Variants in SERPINB13 observed in about 807,000 individuals in gnomAD.
The protein encoded by SERPINB13 is serpin B13.
SERPINB13 carries 26 observed loss-of-function variants against 31.2 expected under a neutral mutation model. The ratio of observed to expected loss-of-function variants is 0.83; its 90% confidence interval spans 0.61 to 1.15. SERPINB13 has a LOEUF of 1.15. Among genes scored for constraint, SERPINB13 ranks in the 50% most tolerant of loss-of-function variants. The pLI, the probability that SERPINB13 is intolerant of heterozygous loss-of-function variation, is 0.00. For missense variants in SERPINB13, 510 were observed against 469.4 expected (o/e 1.09, Z -0.80); for synonymous variants, 191 against 172.4 (o/e 1.11, Z -0.85).
In SERPINB13 at chr18:63,595,068, T is replaced by A. The variant is rs764502539; in HGVS notation, c.655T>A (p.Ser219Thr). 2 of 1,614,094 alleles carry A rather than the reference T, an allele frequency of 1.2e-6. No homozygotes were observed. Among genetic ancestry groups the A allele is most frequent in the Non-Finnish European group, 1.7e-6 (2 of 1,179,970 alleles). The change falls in exon 7 of 8, where the codon TCC becomes ACC. Residue 219 changes from serine (S) to threonine (T), a missense_variant. Transcript: ENST00000344731. Reference sequence around the variant, plus strand: ...TGTACAGATGATGACACAGAGCCATTCCTTTAGCTTCACTTTCCTGGAGGA... The same window carrying A: ...TGTACAGATGATGACACAGAGCCATACCTTTAGCTTCACTTTCCTGGAGGA... ...KSVQMMTQSH[S>T]FSFTFLEDLQ...
chr18:63,597,419 T>A lies in SERPINB13; in HGVS notation c.*56T>A. On this transcript the variant is annotated 3_prime_UTR_variant, in exon 8 of 8. Coordinates refer to ENST00000344731, the MANE Select transcript of SERPINB13 (RefSeq NM_012397.4). Reference sequence around the variant, plus strand: ...AGCAAAAAACAACTACCAGTGTTACTCATATGATTATGAAAATCGTCCATT... The same window carrying A: ...AGCAAAAAACAACTACCAGTGTTACACATATGATTATGAAAATCGTCCATT... The A allele has an allele frequency of 6.7e-7, 1 of 1,501,018 alleles. No homozygotes were observed. The highest frequency in any genetic ancestry group is 9.0e-7 in the Non-Finnish European group (1 of 1,116,328). 93.0% of individuals were successfully genotyped at this position (1,501,018 alleles called of 1,614,324 possible).
Position 63,589,879 on chromosome 18 carries a change from T to A in SERPINB13, c.225+164T>A, listed in dbSNP as rs1439746698. The A allele has an allele frequency of 6.6e-6, 9 of 1,367,282 alleles. No homozygotes were observed. The East Asian group carries it at 2.0e-4, about 31-fold the overall frequency. The allele number at this position is 1,367,282 out of a possible 1,614,324, so 84.7% of individuals were successfully genotyped here. A position where few individuals can be genotyped will look rare whatever the true frequency, so the allele number is the denominator to read the frequency against. Reference sequence around the variant, plus strand: ...AATAATAATCACCATAGACAAATATTGTTGTAAGGATTATACAATAATAAT... The same window carrying A: ...AATAATAATCACCATAGACAAATATAGTTGTAAGGATTATACAATAATAAT... On this transcript the variant is annotated intron_variant, in intron 3 of 7. Coordinates refer to ENST00000344731, the MANE Select transcript of SERPINB13 (RefSeq NM_012397.4).
intron 5 of SERPINB13, among the ~76,000 whole-genome samples, chr18:63,593,745 A>G (rs996044686): frequency 6.6e-6 from 1 of 152,200 alleles, no homozygotes; most frequent in Non-Finnish European, 1.5e-5. Flanking sequence ...TGAAGAAAGG[A>G]AATAAAAGAA....
chr18:63,590,792 A>C (rs1415133971), intron 3 of SERPINB13, among the ~76,000 whole-genome samples: 1 of 152,200 alleles, frequency 6.6e-6, no homozygotes, highest in African/African-American at 2.4e-5. Flanking sequence ...CCCATTCCCC[A>C]GAATTTTCCT....
chr18:63,589,451 T>TCACACACACACACACACACACA (rs112829867), intron 2 of SERPINB13, among the ~76,000 whole-genome samples: 1 of 111,890 alleles, frequency 8.9e-6, no homozygotes, highest in African/African-American at 2.8e-5. Flanking sequence ...CAAAACTCCA[T>TCACACACACACACACACACACA]CACACACACA....
intron 6 of SERPINB13, 29 bp from the exon 7 acceptor site, chr18:63,595,000 A>C: frequency 1.3e-6 from 2 of 1,583,328 alleles, no homozygotes; most frequent in Non-Finnish European, 1.7e-6. Flanking sequence ...ATGTCCTTTG[A>C]TATTGTGTGC....
chr18:63,589,864 A>G (rs1363645916), intron 3 of SERPINB13, 149 bp downstream of exon 3: 1 of 1,422,422 alleles, frequency 7.0e-7, no homozygotes, highest in Non-Finnish European at 9.4e-7. Flanking sequence ...AATAATAATC[A>G]CCATAGACAA....
At chr18:63,592,548 G>C in intron 4 of SERPINB13, 72 bp downstream of exon 4, 1 of 1,473,102 alleles carries the variant, frequency 6.8e-7, no homozygotes, top group South Asian at 1.3e-5. Flanking sequence ...TAGGACTATG[G>C]GTCCTGAAGT....
chr18:63,589,608 G>T lies in SERPINB13; in HGVS notation c.166-48G>T, dbSNP rs527325037. On this transcript the variant is annotated intron_variant, in intron 2 of 7. Transcript: ENST00000344731. ...CTCTCCCCTGACTGATTCTGTGTGAGGTTTTCTCTTCTCTGAGCACCACAG... is the reference window on the plus strand; with the variant it reads ...CTCTCCCCTGACTGATTCTGTGTGATGTTTTCTCTTCTCTGAGCACCACAG... 39 of 1,598,426 alleles carry T rather than the reference G, an allele frequency of 2.4e-5. 2 individuals carry two copies. In the South Asian group the frequency reaches 4.2e-4, roughly 17 times the overall value.
At chr18:63,594,317 G>C (rs201275072) in intron 5 of SERPINB13, 38 bp from the exon 6 acceptor site, 141 of 1,612,468 alleles carry the variant, frequency 8.7e-5, no homozygotes, top group Non-Finnish European at 1.6e-5. Context: ...TTGTCATTTG[G>C]AAGATGGGTC....
chr18:63,589,795 T>C (rs1911745357), intron 3 of SERPINB13, 80 bp downstream of exon 3: 1 of 1,606,092 alleles, frequency 6.2e-7, no homozygotes, highest in Admixed American at 1.7e-5. Flanking sequence ...AGGTGTGGGG[T>C]CTCTGGGGAA....
Position 63,597,206 on chromosome 18 carries a change from A to T in SERPINB13, c.1019A>T (p.Glu340Val). ...CACAGTTCCTTTGTGGCAGTAACTGAGGAAGGCACCGAGGCTGCAGCTGCC... is the reference window on the plus strand; with the variant it reads ...CACAGTTCCTTTGTGGCAGTAACTGTGGAAGGCACCGAGGCTGCAGCTGCC... ...FLHSSFVAVT[E>V]EGTEAAAATG... The change falls in exon 8 of 8, where the codon GAG (glutamate) becomes GTG (valine). Residue 340 changes from glutamate to valine, a missense_variant. Physicochemically the swap from Glu to Val is moderately radical, Grantham distance 121. Coordinates refer to ENST00000344731, the MANE Select transcript of SERPINB13 (RefSeq NM_012397.4). 6.2e-7 allele frequency: 1 copy of T among 1,614,214 alleles called. No individual in the cohort carries two copies. Among genetic ancestry groups the T allele is most frequent in the Non-Finnish European group, 8.5e-7 (1 of 1,180,036 alleles).
intron 7 of SERPINB13, among the ~76,000 whole-genome samples, chr18:63,596,270 A>G (rs773884965): frequency 2.6e-5 from 4 of 152,208 alleles, no homozygotes; most frequent in Non-Finnish European, 5.9e-5. Context: ...CAAAATAGCA[A>G]TATGTCTGAG....
chr18:63,593,952 A>C, intron 5 of SERPINB13: 2 of 471,626 alleles, frequency 4.2e-6, no homozygotes, highest in Non-Finnish European at 4.4e-6. Context: ...ATGGTATTCT[A>C]ATAGCTTTAC....
chr18:63,594,159 C>A, intron 5 of SERPINB13, 196 bp from the exon 6 acceptor site: 3 of 1,490,476 alleles, frequency 2.0e-6, no homozygotes, highest in Non-Finnish European at 2.7e-6. Flanking sequence ...AATTTATCCA[C>A]TGGGATAAAT....
intron 3 of SERPINB13, among the ~76,000 whole-genome samples, chr18:63,592,026 G>C (rs1911882861): frequency 6.6e-6 from 1 of 152,064 alleles, no homozygotes; most frequent in South Asian, 2.1e-4. Flanking sequence ...AATCTTGTGG[G>C]GAGCTAAAAA....
intron 3 of SERPINB13, among the ~76,000 whole-genome samples, chr18:63,590,689 C>T (rs1267858528): frequency 2.6e-5 from 4 of 152,348 alleles, no homozygotes; most frequent in Admixed American, 2.6e-4. Flanking sequence ...AGCTGCCCTA[C>T]TCCTATGTGA....
chr18:63,592,593 C>A, intron 4 of SERPINB13, 117 bp downstream of exon 4: 1 of 1,026,866 alleles, frequency 9.7e-7, no homozygotes, highest in Non-Finnish European at 1.4e-6. Context: ...CCCTGTGGTG[C>A]TTTTCCATCC....
In SERPINB13 at chr18:63,598,132, G is replaced by C. The variant is rs1333772831; in HGVS notation, c.*769G>C. 1 of 143,934 alleles carries C rather than the reference G, an allele frequency of 6.9e-6. No homozygotes were observed. The highest frequency in any genetic ancestry group is 2.2e-4 in the South Asian group (1 of 4,618). The allele number at this position is 143,934 out of a possible 1,614,324, so 8.9% of individuals were successfully genotyped here. ...TTTTCTGGTTTTTTTTTTTTTTTGA[G>C]TGAGGTACGAGTATTACCAAATGAT... On this transcript the variant is annotated 3_prime_UTR_variant, in exon 8 of 8. Transcript: ENST00000344731.
Sources: allele counts gnomAD v4.1 joint callset (sites outside exome capture counted in the v4.1 genomes callset), GRCh38; gene constraint gnomAD v4.1.1; transcripts MANE v1.5; gene names NCBI Gene and HGNC (gene_info 2026-07-23, HGNC 2026-07-21).